The following GLI3 variants were observed in gnomAD, a reference collection of about 807,000 sequenced individuals.
GLI3 encodes transcription activator GLI3.
A neutral mutation model predicts 100.8 loss-of-function variants in GLI3; 20 were observed. That is an observed-to-expected ratio of 0.20 (90% CI 0.14 to 0.29). The LOEUF (loss-of-function observed/expected upper bound fraction) is 0.29, where lower values mean the gene tolerates loss of function less well. Among genes scored for constraint, GLI3 ranks in the 10% least tolerant of loss-of-function variants. GLI3 has a pLI of 1.00. For missense variants in GLI3, 2,040 were observed against 2,128.5 expected, an observed-to-expected ratio of 0.96 and a Z score of 0.82; for synonymous variants, 938 against 860.5, an observed-to-expected ratio of 1.09 and a Z score of -1.58.
chr7:41,966,139 C>T lies in GLI3; in HGVS notation c.2934G>A (p.Arg978=). The T allele has an allele frequency of 6.3e-7, 1 of 1,592,740 alleles. No homozygotes were observed. Among genetic ancestry groups the T allele is most frequent in the Non-Finnish European group, 8.5e-7 (1 of 1,173,844 alleles). ...VALPPVHAPR[R]CSDGGAHGYG... Reference sequence around the variant, plus strand: ...AGCCGTGGGCTCCCCCGTCGCTGCACCTCCTCGGGGCATGAACTGGAGGCA... The same window carrying T: ...AGCCGTGGGCTCCCCCGTCGCTGCATCTCCTCGGGGCATGAACTGGAGGCA... Residue 978 remains arginine, a synonymous_variant, in exon 15 of 15, where the codon AGG becomes AGA. Transcript: ENST00000395925. This position sits in a 1 kb window ranked among gnomAD's most constrained non-coding sequence, Gnocchi z 5.8.
At chr7:41,981,468 G>C (rs1350692817) in intron 10 of GLI3, among the ~76,000 whole-genome samples, 1 of 152,234 alleles carries the variant, frequency 6.6e-6, no homozygotes, top group Non-Finnish European at 1.5e-5. Flanking sequence ...AAGGGAGCAG[G>C]GGTGGCTAAG....
At chr7:42,233,079 C>T (rs1160702013) in intron 1 of GLI3, among the ~76,000 whole-genome samples, 1 of 152,176 alleles carries the variant, frequency 6.6e-6, no homozygotes, top group African/African-American at 2.4e-5. Context: ...AAATGTACTT[C>T]CAAACACATT....
intron 2 of GLI3, among the ~76,000 whole-genome samples, chr7:42,200,771 A>T (rs1486031496): frequency 1.3e-5 from 2 of 151,672 alleles, no homozygotes; most frequent in Admixed American, 1.3e-4. Flanking sequence ...GCAAATCATG[A>T]GACAGAAGAC....
intron 3 of GLI3, among the ~76,000 whole-genome samples, chr7:42,099,042 C>T (rs1421294023): frequency 2.0e-5 from 3 of 152,096 alleles, no homozygotes; most frequent in East Asian, 1.9e-4. Flanking sequence ...CCTGCTCCCC[C>T]GTGCCAAGGA....
chr7:42,222,921 G>A, intron 2 of GLI3: 1 of 584,676 alleles, frequency 1.7e-6, no homozygotes, highest in Non-Finnish European at 3.1e-6. Flanking sequence ...AAATTAGAAA[G>A]TTTGGAAGTC....
At chr7:42,070,901 A>G (rs7803428) in intron 4 of GLI3, among the ~76,000 whole-genome samples, 1,880 of 152,284 alleles carry the variant, frequency 0.012, 35 homozygotes, top group African/African-American at 0.039. Context: ...TCAGGAAATT[A>G]GTTTGACAGT....
intron 2 of GLI3, among the ~76,000 whole-genome samples, chr7:42,150,665 C>A (rs1237725471): frequency 1.3e-5 from 2 of 152,176 alleles, no homozygotes; most frequent in Non-Finnish European, 2.9e-5. Flanking sequence ...AGATGAATAA[C>A]CAAACTCGGC....
chr7:42,254,622 A>G (rs932939792), intron 1 of GLI3, among the ~76,000 whole-genome samples: 3 of 152,226 alleles, frequency 2.0e-5, no homozygotes, highest in African/African-American at 7.2e-5. Context: ...CTTGATCTGT[A>G]GTGAGTGATT....
At chr7:42,240,416 T>C (rs546124067), upstream of GLI3, among the ~76,000 whole-genome samples, 1 of 152,306 alleles carries the variant, frequency 6.6e-6, no homozygotes, top group African/African-American at 2.4e-5. Context: ...AGACATGTAT[T>C]GTCCTATAGT....
At chr7:42,240,045 T>G (rs1295862666), upstream of GLI3, among the ~76,000 whole-genome samples, 1 of 152,170 alleles carries the variant, frequency 6.6e-6, no homozygotes, top group Non-Finnish European at 1.5e-5. Flanking sequence ...TCTCTTTCCC[T>G]TTCCTGCAGT....
intron 1 of GLI3, among the ~76,000 whole-genome samples, chr7:42,233,656 G>T (rs1788736188): frequency 6.6e-6 from 1 of 152,164 alleles, no homozygotes. Context: ...TCAAATAAAA[G>T]TAAAGATGAA....
chr7:42,262,952 T>C (rs1237288596), intron 1 of GLI3, among the ~76,000 whole-genome samples: 4 of 44,568 alleles, frequency 9.0e-5, no homozygotes. Flanking sequence ...ATATCTGCAC[T>C]TTTTTTTTTT....
intron 1 of GLI3, among the ~76,000 whole-genome samples, chr7:42,228,645 T>G (rs150545873): frequency 1.3e-5 from 2 of 152,346 alleles, no homozygotes; most frequent in East Asian, 3.9e-4. Context: ...TACTTTGCAA[T>G]GCAACCACCC....
chr7:42,089,649 TG>T (rs1416168836), intron 3 of GLI3, among the ~76,000 whole-genome samples: 4 of 152,250 alleles, frequency 2.6e-5, no homozygotes, highest in African/African-American at 9.6e-5. Flanking sequence ...CTCTCCATTT[TG>T]CCCAAGGCAG....
intron 2 of GLI3, among the ~76,000 whole-genome samples, chr7:42,193,111 TTA>T (rs1206070067): frequency 2.6e-5 from 4 of 152,192 alleles, no homozygotes; most frequent in Non-Finnish European, 2.9e-5. Context: ...TTTTTAAATA[TTA>T]TGTTTCTAAA....
intron 1 of GLI3, among the ~76,000 whole-genome samples, chr7:42,235,970 C>T (rs538541720): frequency 6.6e-6 from 1 of 152,026 alleles, no homozygotes; most frequent in Non-Finnish European, 1.5e-5. Context: ...GGATGACCAG[C>T]GGCGGAGGGA....
At chr7:42,060,218 C>G (rs1784539484) in intron 4 of GLI3, among the ~76,000 whole-genome samples, 2 of 152,162 alleles carry the variant, frequency 1.3e-5, no homozygotes, top group African/African-American at 2.4e-5. Flanking sequence ...CTGCTGCTGC[C>G]ATTCCTAGAG....
intron 7 of GLI3, among the ~76,000 whole-genome samples, chr7:42,029,825 G>A (rs1023389601): frequency 8.6e-5 from 13 of 152,042 alleles, no homozygotes; most frequent in Admixed American, 2.6e-4. Context: ...TTTCTACTGC[G>A]TGACAATTCT....
intron 1 of GLI3, among the ~76,000 whole-genome samples, chr7:42,248,084 A>C (rs772857240): frequency 1.1e-4 from 16 of 152,234 alleles, no homozygotes; most frequent in Non-Finnish European, 1.8e-4. Context: ...TATTCCTATT[A>C]TCAATTACAA....
Sources: gnomAD v4.1 joint callset for allele counts (sites outside exome capture counted in the v4.1 genomes callset) on GRCh38, gnomAD v4.1.1 for gene constraint, Gnocchi (gnomAD v3.1) non-coding constraint, MANE v1.5 for transcripts, NCBI Gene and HGNC (gene_info 2026-07-23, HGNC 2026-07-21) for gene names.